The following NRG3 variants were observed in gnomAD, a reference collection of about 807,000 sequenced individuals.
NRG3 encodes neuregulin 3, also known as pro-neuregulin-3, membrane-bound isoform.
A neutral mutation model predicts 66.9 loss-of-function variants in NRG3; 31 were observed. The ratio of observed to expected loss-of-function variants is 0.46; its 90% CI spans 0.35 to 0.63. The LOEUF (loss-of-function observed/expected upper bound fraction) is 0.63. Ranked by LOEUF, NRG3 falls within the 20% of genes least tolerant of loss-of-function variation. NRG3 has a pLI of 0.00. For missense variants in NRG3, 910 were observed against 878.9 expected, an observed-to-expected ratio of 1.04 and a Z score of -0.45; for synonymous variants, 393 against 359.4, an observed-to-expected ratio of 1.09 and a Z score of -1.06.
At chr10:82,821,503 GAAAA>G (rs10550982) in intron 3 of NRG3, among the ~76,000 whole-genome samples, 2 of 134,610 alleles carry the variant, frequency 1.5e-5, no homozygotes, top group Admixed American at 7.6e-5. Context: ...ACACTTAACT[GAAAA>G]AAAAAAAAAA....
intron 2 of NRG3, among the ~76,000 whole-genome samples, chr10:82,442,500 T>A (rs2090480855): frequency 6.6e-6 from 1 of 152,074 alleles, no homozygotes; most frequent in Non-Finnish European, 1.5e-5. Context: ...CGTGGAAGCA[T>A]AACATGGGCA....
chr10:82,739,440 A>C lies in NRG3; in HGVS notation c.1027+790A>C, dbSNP rs549486127. 1.1e-4 allele frequency among the ~76,000 whole-genome samples: 16 copies of C among 152,304 alleles called. No individual in the cohort carries two copies. In the East Asian group the frequency reaches 2.5e-3, roughly 24 times the overall value. On this transcript the variant is annotated intron_variant, in intron 3 of 8. Coordinates refer to ENST00000372141, the MANE Select transcript of NRG3 (RefSeq NM_001010848.4). ...TAATGATAGGCATTTTGCAATTGGA[A>C]AGGCCAAGTTATGGTTTTCTGAATA...
At chr10:82,485,420 C>A (rs1404018400) in intron 2 of NRG3, among the ~76,000 whole-genome samples, 1 of 150,160 alleles carries the variant, frequency 6.7e-6, no homozygotes, top group East Asian at 2.0e-4. Context: ...AAGAAAGCTT[C>A]TGCTTGTGAA....
At chr10:82,363,685 C>T (rs982758010) in intron 2 of NRG3, among the ~76,000 whole-genome samples, 8 of 151,794 alleles carry the variant, frequency 5.3e-5, no homozygotes, top group African/African-American at 1.9e-4. Flanking sequence ...TCTCAATCTC[C>T]TGACCTCGTG....
chr10:82,471,628 C>G (rs1056603550), intron 2 of NRG3, among the ~76,000 whole-genome samples: 1 of 152,008 alleles, frequency 6.6e-6, no homozygotes, highest in African/African-American at 2.4e-5. Context: ...TCAAGGTTTG[C>G]GACTGGGCAC....
rs73307825 is a variant in NRG3, at chr10:82,487,979, A to G, written c.953+129111A>G. Among the ~76,000 whole-genome samples, 647 of 152,324 alleles carry G rather than the reference A, an allele frequency of 4.2e-3. 5 individuals carry two copies. Among genetic ancestry groups the G allele is most frequent in the African/African-American group, 0.015 (626 of 41,566 alleles). ...TCAAGATTTTCATGTGTGATACAGA[A>G]GCCCTAACAATTATATTGTATGTGT... On this transcript the variant is annotated intron_variant, in intron 2 of 8. Transcript: ENST00000372141.
chr10:82,913,760 G>T (rs896996693), intron 4 of NRG3, among the ~76,000 whole-genome samples: 7 of 152,156 alleles, frequency 4.6e-5, no homozygotes, highest in Non-Finnish European at 7.4e-5. Context: ...ATTTTGTGCA[G>T]ATTTAACATG....
At chr10:82,123,113 C>A (rs1285966929) in intron 1 of NRG3, among the ~76,000 whole-genome samples, 1 of 151,968 alleles carries the variant, frequency 6.6e-6, no homozygotes, top group Non-Finnish European at 1.5e-5. Flanking sequence ...AAATTATGAA[C>A]TTTGGTCTCC....
chr10:82,977,967 T>C (rs1441817059), intron 7 of NRG3, among the ~76,000 whole-genome samples: 1 of 152,198 alleles, frequency 6.6e-6, no homozygotes, highest in African/African-American at 2.4e-5. Flanking sequence ...TTTTCATCTT[T>C]CTTTCTATGG....
chr10:82,058,578 A>C (rs565679329), intron 1 of NRG3, among the ~76,000 whole-genome samples: 1 of 151,134 alleles, frequency 6.6e-6, no homozygotes. Flanking sequence ...TTATAAATAT[A>C]CTTTTTCTAG....
At chr10:82,901,413 G>A (rs1273416747) in intron 4 of NRG3, among the ~76,000 whole-genome samples, 1 of 151,976 alleles carries the variant, frequency 6.6e-6, no homozygotes, top group East Asian at 1.9e-4. Context: ...AAAATGGTGA[G>A]AATATGGATT....
intron 3 of NRG3, among the ~76,000 whole-genome samples, chr10:82,842,238 G>A (rs569563557): frequency 5.4e-4 from 82 of 152,246 alleles, no homozygotes; most frequent in African/African-American, 1.9e-3. Context: ...GCAACAAAGC[G>A]AGACTGAGTC....
intron 2 of NRG3, among the ~76,000 whole-genome samples, chr10:82,388,186 A>G (rs1589948003): frequency 1.7e-5 from 1 of 59,448 alleles, no homozygotes; most frequent in Non-Finnish European, 2.7e-5. Flanking sequence ...GAGATTCATT[A>G]AAAAACATTA....
chr10:82,852,758 G>A (rs765284197), intron 3 of NRG3, among the ~76,000 whole-genome samples: 4 of 152,158 alleles, frequency 2.6e-5, no homozygotes, highest in Non-Finnish European at 1.5e-5. Context: ...CATCGAAAAG[G>A]TTATCACACT....
chr10:82,354,964 A>G (rs1350087800), intron 1 of NRG3, among the ~76,000 whole-genome samples: 1 of 152,216 alleles, frequency 6.6e-6, no homozygotes, highest in Non-Finnish European at 1.5e-5. Context: ...ACTTACAGGA[A>G]CCTTCATCCA....
chr10:82,205,906 G>A (rs1243190933), intron 1 of NRG3, among the ~76,000 whole-genome samples: 1 of 152,146 alleles, frequency 6.6e-6, no homozygotes. Context: ...TTTAATCCAA[G>A]TCAGTTCCCA....
intron 2 of NRG3, among the ~76,000 whole-genome samples, chr10:82,384,523 T>C (rs2085850340): frequency 6.6e-6 from 1 of 152,176 alleles, no homozygotes. Context: ...AGTTAGAATA[T>C]GCAGTATTTG....
intron 1 of NRG3, among the ~76,000 whole-genome samples, chr10:81,995,105 T>A (rs1004173917): frequency 1.3e-5 from 2 of 152,186 alleles, no homozygotes; most frequent in African/African-American, 4.8e-5. Context: ...TGCAGTTTTC[T>A]CTTTCATTTG....
At chr10:81,968,783 G>T (rs1483557740) in intron 1 of NRG3, among the ~76,000 whole-genome samples, 2 of 152,160 alleles carry the variant, frequency 1.3e-5, no homozygotes, top group Admixed American at 1.3e-4. Context: ...TCTAAAGAGG[G>T]TGATTTTTGA....
Sources: gnomAD v4.1 joint callset for allele counts (sites outside exome capture counted in the v4.1 genomes callset) on GRCh38, gnomAD v4.1.1 for gene constraint, MANE v1.5 for transcripts, NCBI Gene and HGNC (gene_info 2026-07-23, HGNC 2026-07-21) for gene names.